ZNF385D: variants seen among roughly 807,000 people sequenced by gnomAD.
The protein encoded by ZNF385D is zinc finger protein 659.
ZNF385D carries 15 observed loss-of-function variants against 35.8 expected under a neutral mutation model. The ratio of observed to expected loss-of-function variants is 0.42; its 90% CI spans 0.28 to 0.64. The LOEUF (loss-of-function observed/expected upper bound fraction) is 0.64, where lower values mean the gene tolerates loss of function less well. ZNF385D is among the 30% of genes least tolerant of loss of function. The pLI, the probability that ZNF385D is intolerant of heterozygous loss-of-function variation, is 0.23. For missense variants in ZNF385D, 474 were observed against 494.6 expected (o/e 0.96, Z 0.39); for synonymous variants, 212 against 186.8 (o/e 1.13, Z -1.10).
intron 3 of ZNF385D, among the ~76,000 whole-genome samples, chr3:21,997,870 CGCGTGTGT>C (rs1459510592): frequency 1.1e-3 from 67 of 62,276 alleles, no homozygotes; most frequent in South Asian, 1.8e-3. Context: ...CGCGCGCGCG[CGCGTGTGT>C]GTGTGTGTGT....
chr3:21,732,049 T>TTTTTTTTTTTTTTTTTTTTTTTTTC (rs2069035294), intron 1 of ZNF385D, among the ~76,000 whole-genome samples: 1 of 81,492 alleles, frequency 1.2e-5, no homozygotes, highest in East Asian at 4.1e-4. Context: ...TTTTTTTTTT[T>TTTTTTTTTTTTTTTTTTTTTTTTTC]TTTTTTTTTT....
At chr3:21,977,027 T>TA (rs1221027543) in intron 3 of ZNF385D, among the ~76,000 whole-genome samples, 1 of 152,170 alleles carries the variant, frequency 6.6e-6, no homozygotes, top group East Asian at 1.9e-4. Context: ...CTGCTACATA[T>TA]AACAACATTG....
Position 22,240,571 on chromosome 3 carries a change from T to C in ZNF385D, c.107-71536A>G, listed in dbSNP as rs549471996. Among the ~76,000 whole-genome samples, 6 of 151,112 alleles carry C rather than the reference T, an allele frequency of 4.0e-5. 1 individual carries two copies. In the South Asian group the frequency reaches 6.5e-4, roughly 16 times the overall value. ...CCACAGCATTACCTTGAGCCCTGCTTCATGGACTGCACAATGTGACCTTCC... is the reference window on the plus strand; with the variant it reads ...CCACAGCATTACCTTGAGCCCTGCTCCATGGACTGCACAATGTGACCTTCC... On this transcript the variant is annotated intron_variant, in intron 2 of 5. Transcript: ENST00000494108.
chr3:22,060,733 T>C (rs1699647125), intron 3 of ZNF385D, among the ~76,000 whole-genome samples: 1 of 152,092 alleles, frequency 6.6e-6, no homozygotes, highest in Middle Eastern at 3.2e-3. Context: ...AGATTATTAT[T>C]GGGTTAGCAC....
At chr3:22,183,066 T>G (rs2125782205) in intron 2 of ZNF385D, among the ~76,000 whole-genome samples, 1 of 152,212 alleles carries the variant, frequency 6.6e-6, no homozygotes, top group Admixed American at 6.6e-5. Context: ...TTAATAAAAG[T>G]CTTAAAGCAA....
chr3:22,250,363 C>A (rs1700001057), intron 2 of ZNF385D, among the ~76,000 whole-genome samples: 1 of 132,032 alleles, frequency 7.6e-6, no homozygotes, highest in Non-Finnish European at 1.7e-5. Context: ...CACTGAATGA[C>A]ATAATTTTTT....
intron 3 of ZNF385D, among the ~76,000 whole-genome samples, chr3:21,938,604 C>T (rs1006820031): frequency 6.6e-6 from 1 of 152,172 alleles, no homozygotes; most frequent in Non-Finnish European, 1.5e-5. Context: ...TACAATTTGG[C>T]TACATTCTTC....
intron 3 of ZNF385D, among the ~76,000 whole-genome samples, chr3:21,814,826 A>C (rs1331587514): frequency 6.6e-6 from 1 of 152,216 alleles, no homozygotes; most frequent in Non-Finnish European, 1.5e-5. Context: ...CTCTGCACCA[A>C]ACAGACCTAA....
intron 2 of ZNF385D, among the ~76,000 whole-genome samples, chr3:22,253,301 A>G (rs79544299): frequency 6.6e-6 from 1 of 151,838 alleles, no homozygotes; most frequent in Non-Finnish European, 1.5e-5. Context: ...GTAAAAACTA[A>G]GAAATAGACT....
At chr3:21,982,550 C>T (rs1020059237) in intron 3 of ZNF385D, among the ~76,000 whole-genome samples, 1 of 152,140 alleles carries the variant, frequency 6.6e-6, no homozygotes, top group African/African-American at 2.4e-5. Context: ...TTGACTTCCT[C>T]TCTTCCTATT....
chr3:22,352,773 C>A (rs184076918), intron 2 of ZNF385D, among the ~76,000 whole-genome samples: 2 of 152,166 alleles, frequency 1.3e-5, no homozygotes, highest in Non-Finnish European at 2.9e-5. Flanking sequence ...TCTCCACAAA[C>A]AACTATTACG....
chr3:21,733,359 C>T (rs776882471), intron 1 of ZNF385D, among the ~76,000 whole-genome samples: 2 of 152,072 alleles, frequency 1.3e-5, no homozygotes, highest in Non-Finnish European at 2.9e-5. Flanking sequence ...TATGTTGGCT[C>T]TCTAGGTCTT....
At chr3:22,271,431 G>A (rs1036415554) in intron 2 of ZNF385D, among the ~76,000 whole-genome samples, 2 of 151,690 alleles carry the variant, frequency 1.3e-5, no homozygotes, top group Non-Finnish European at 2.9e-5. Flanking sequence ...AAACAGTTTC[G>A]AGATAAAGAC....
At chr3:21,645,726 G>C (rs577444323) in intron 2 of ZNF385D, among the ~76,000 whole-genome samples, 12 of 152,110 alleles carry the variant, frequency 7.9e-5, no homozygotes, top group Non-Finnish European at 1.8e-4. Flanking sequence ...GTCCCTGTGT[G>C]GGGGAAGGAA....
At chr3:21,897,925 T>C (rs1362782177) in intron 3 of ZNF385D, among the ~76,000 whole-genome samples, 1 of 152,170 alleles carries the variant, frequency 6.6e-6, no homozygotes, top group East Asian at 1.9e-4. Context: ...TGTTGTTATT[T>C]GTTAGTTTTT....
intron 3 of ZNF385D, among the ~76,000 whole-genome samples, chr3:21,767,575 G>C (rs148801330): frequency 2.0e-5 from 3 of 151,862 alleles, no homozygotes; most frequent in Non-Finnish European, 2.9e-5. Context: ...CCAGGATCTC[G>C]TGACCTTGAT....
chr3:22,243,856 C>A (rs1699623524), intron 2 of ZNF385D, among the ~76,000 whole-genome samples: 1 of 150,646 alleles, frequency 6.6e-6, no homozygotes, highest in East Asian at 2.0e-4. Context: ...AGCACTCCAT[C>A]CAAAGTGGTA....
chr3:21,747,180 A>T (rs2069816903), intron 1 of ZNF385D, among the ~76,000 whole-genome samples: 1 of 152,208 alleles, frequency 6.6e-6, no homozygotes, highest in Non-Finnish European at 1.5e-5. Context: ...ATCCACAACT[A>T]ACACCAAGGC....
In ZNF385D at chr3:21,421,450, G is replaced by T. The variant is rs371709942; in HGVS notation, c.955-3C>A. 290 of 1,597,280 alleles carry T rather than the reference G, an allele frequency of 1.8e-4. No individual in the cohort carries two copies. The highest frequency in any genetic ancestry group is 2.4e-4 in the Non-Finnish European group (277 of 1,167,832). Reference sequence around the variant, plus strand: ...TCTTTTGAAAATACTAATTTTACCTGCAAGGGAGAAAAAATATTGTAAAAA... The same window carrying T: ...TCTTTTGAAAATACTAATTTTACCTTCAAGGGAGAAAAAATATTGTAAAAA... On this transcript the variant is annotated splice_polypyrimidine_tract_variant and splice_region_variant and intron_variant, in intron 7 of 7. Transcript: ENST00000281523.
Sources: gnomAD v4.1 joint callset for allele counts (sites outside exome capture counted in the v4.1 genomes callset) on GRCh38, gnomAD v4.1.1 for gene constraint, MANE v1.5 for transcripts, NCBI Gene and HGNC (gene_info 2026-07-23, HGNC 2026-07-21) for gene names.